The following UNC13C variants were observed in gnomAD, a reference collection of about 807,000 sequenced individuals.
UNC13C encodes the protein protein unc-13 homolog C.
UNC13C carries 174 observed loss-of-function variants against 245.4 expected under a neutral mutation model. That is an observed-to-expected ratio of 0.71 (90% confidence interval 0.63 to 0.80). UNC13C has a LOEUF of 0.80. Among genes scored for constraint, UNC13C ranks in the 30% least tolerant of loss-of-function variants. The pLI, the probability that UNC13C is intolerant of heterozygous loss-of-function variation, is 0.00. For synonymous variants in UNC13C, 992 were observed against 895.1 expected (o/e 1.11, Z -1.93); for missense variants, 2,829 against 2,602.9 (o/e 1.09, Z -1.89).
the UNC13C span, among the ~76,000 whole-genome samples, chr15:53,903,212 T>A: frequency 6.6e-6 from 1 of 152,216 alleles, no homozygotes; most frequent in Non-Finnish European, 1.5e-5. Flanking sequence ...CTGCATAACA[T>A]CAGATCATCT....
chr15:54,202,071 C>CAA (rs112377320), intron 4 of UNC13C, among the ~76,000 whole-genome samples: 3 of 149,364 alleles, frequency 2.0e-5, no homozygotes, highest in African/African-American at 7.4e-5. Context: ...ACAGTAGCTG[C>CAA]AAAAAAAAAT....
chr15:54,138,735 G>A (rs930354559), intron 2 of UNC13C, among the ~76,000 whole-genome samples: 5 of 151,604 alleles, frequency 3.3e-5, no homozygotes, highest in Middle Eastern at 3.4e-3. Context: ...ACATAATATC[G>A]AAAATTGAGT....
chr15:53,998,150 C>G (rs1320941458), intron 1 of UNC13C, among the ~76,000 whole-genome samples: 1 of 152,072 alleles, frequency 6.6e-6, no homozygotes, highest in African/African-American at 2.4e-5. Context: ...AGAATCTTTC[C>G]ATTTCCATAT....
chr15:54,107,423 T>C lies in UNC13C; in HGVS notation c.2984-35595T>C, dbSNP rs28611028. 4.4e-3 allele frequency among the ~76,000 whole-genome samples: 668 copies of C among 152,302 alleles called. 7 individuals carry two copies. The highest frequency in any genetic ancestry group is 0.015 in the African/African-American group (643 of 41,562). ...TAGTTTTTGATGCACTTGAAGTACT[T>C]TGATGCATTGCTTGATAAACATAAG... is the stretch of plus-strand genomic sequence containing the variant. On this transcript the variant is annotated intron_variant, in intron 2 of 32. Transcript: ENST00000260323.
At chr15:54,128,007 C>T (rs943016917) in intron 2 of UNC13C, among the ~76,000 whole-genome samples, 1 of 151,748 alleles carries the variant, frequency 6.6e-6, no homozygotes. Context: ...CGATTCTATA[C>T]CTAGGATATC....
chr15:54,513,660 G>T (rs1254982822), intron 24 of UNC13C, among the ~76,000 whole-genome samples: 1 of 152,086 alleles, frequency 6.6e-6, no homozygotes, highest in African/African-American at 2.4e-5. Flanking sequence ...ACTGAGCTTG[G>T]TACCTTCTTC....
At chr15:54,353,829 G>A (rs902628721) in intron 17 of UNC13C, among the ~76,000 whole-genome samples, 1 of 152,170 alleles carries the variant, frequency 6.6e-6, no homozygotes, top group African/African-American at 2.4e-5. Context: ...TCTGTCCTTG[G>A]CTTTTACTCT....
chr15:54,266,179 A>G (rs1052872198), intron 10 of UNC13C, among the ~76,000 whole-genome samples: 1 of 151,982 alleles, frequency 6.6e-6, no homozygotes, highest in South Asian at 2.1e-4. Context: ...GAATCTCATT[A>G]CCATGGTAGG....
chr15:54,036,545 T>G (rs984023865), intron 2 of UNC13C, among the ~76,000 whole-genome samples: 4 of 152,200 alleles, frequency 2.6e-5, no homozygotes, highest in Non-Finnish European at 5.9e-5. Flanking sequence ...GTGCCAGTAA[T>G]ATAAATTCAC....
At chr15:54,227,809 G>T (rs1205314151) in intron 4 of UNC13C, among the ~76,000 whole-genome samples, 5 of 152,188 alleles carry the variant, frequency 3.3e-5, no homozygotes, top group African/African-American at 1.2e-4. Context: ...CTTGAAGCCG[G>T]TATAGTACTG....
intron 17 of UNC13C, among the ~76,000 whole-genome samples, chr15:54,348,177 A>C (rs551148818): frequency 3.9e-5 from 6 of 152,234 alleles, no homozygotes; most frequent in Non-Finnish European, 8.8e-5. Flanking sequence ...GATTTTTCAC[A>C]ATTACAGATA....
At chr15:54,127,699 G>A (rs1479362473) in intron 2 of UNC13C, among the ~76,000 whole-genome samples, 1 of 138,126 alleles carries the variant, frequency 7.2e-6, no homozygotes. Context: ...AGAACTTCAA[G>A]TGTGTGTGTG....
chr15:54,314,984 G>A (rs939035736), intron 13 of UNC13C, among the ~76,000 whole-genome samples: 6 of 151,642 alleles, frequency 4.0e-5, no homozygotes, highest in African/African-American at 1.5e-4. Flanking sequence ...TGAAGTGGTC[G>A]TTCTTAATGA....
rs910317171 is a variant in UNC13C, at chr15:54,081,637, A to G, written c.2984-61381A>G. 7.9e-5 allele frequency among the ~76,000 whole-genome samples: 12 copies of G among 151,690 alleles called. No individual in the cohort carries two copies. In the East Asian group the frequency reaches 2.1e-3, roughly 27 times the overall value. On this transcript the variant is annotated intron_variant, in intron 2 of 32. Coordinates refer to ENST00000260323, the MANE Select transcript of UNC13C (RefSeq NM_001080534.3). ...TTTTTTTCCTTCGCTTTCCATTTGCATGAGAGATCTTTCTTCATCTCTTTA... is the reference window on the plus strand; with the variant it reads ...TTTTTTTCCTTCGCTTTCCATTTGCGTGAGAGATCTTTCTTCATCTCTTTA...
At chr15:54,270,415 T>A (rs538361621) in intron 10 of UNC13C, among the ~76,000 whole-genome samples, 2 of 152,296 alleles carry the variant, frequency 1.3e-5, no homozygotes, top group African/African-American at 4.8e-5. Flanking sequence ...TTGTCTAATA[T>A]GAAAAATAGG....
At chr15:54,430,242 T>C (rs1349149055) in intron 19 of UNC13C, among the ~76,000 whole-genome samples, 2 of 151,682 alleles carry the variant, frequency 1.3e-5, no homozygotes, top group African/African-American at 2.4e-5. Flanking sequence ...CCACTTACGG[T>C]GATAAAGCAT....
intron 30 of UNC13C, among the ~76,000 whole-genome samples, chr15:54,581,181 G>A (rs1037691614): frequency 2.0e-5 from 3 of 152,114 alleles, no homozygotes; most frequent in Non-Finnish European, 4.4e-5. Flanking sequence ...CGGGGAAGAT[G>A]TATGGTTCAA....
At chr15:54,379,003 TA>T (rs891063521) in intron 17 of UNC13C, among the ~76,000 whole-genome samples, 1 of 152,084 alleles carries the variant, frequency 6.6e-6, no homozygotes, top group Non-Finnish European at 1.5e-5. Flanking sequence ...TTGAATATTT[TA>T]TGGTAATGAA....
At chr15:54,218,114 T>C (rs751759338) in intron 4 of UNC13C, among the ~76,000 whole-genome samples, 13 of 151,984 alleles carry the variant, frequency 8.6e-5, no homozygotes, top group African/African-American at 1.2e-4. Context: ...TGCAGTTTTA[T>C]AGGGGATATG....
Sources: gnomAD v4.1 joint callset for allele counts (sites outside exome capture counted in the v4.1 genomes callset) on GRCh38, gnomAD v4.1.1 for gene constraint, MANE v1.5 for transcripts, NCBI Gene and HGNC (gene_info 2026-07-23, HGNC 2026-07-21) for gene names.